FBN3: variants seen among roughly 807,000 people sequenced by gnomAD.
FBN3 encodes fibrillin-3.
A neutral mutation model predicts 330.1 loss-of-function variants in FBN3; 234 were observed. The ratio of observed to expected loss-of-function variants is 0.71; its 90% CI spans 0.64 to 0.79. The LOEUF (loss-of-function observed/expected upper bound fraction) is 0.79. FBN3 is among the 30% of genes least tolerant of loss of function. The pLI is 0.00. For missense variants in FBN3, 3,606 were observed against 3,886.9 expected, an observed-to-expected ratio of 0.93 and a Z score of 1.92; for synonymous variants, 1,458 against 1,517.3, an observed-to-expected ratio of 0.96 and a Z score of 0.91.
rs746743543 is a variant in FBN3 at position 8,102,839 on chromosome 19, G to T, written c.4974C>A (p.Asn1658Lys). ...AGGCCAGCTCATTTTGACATGTGCC[G>T]TTATAGTGCCGGAAGCAGACACTCT... ...MRKSVCFRHYNGTCQNELAFN... is the reference protein window; with the variant it reads ...MRKSVCFRHYKGTCQNELAFN... The change falls in exon 40 of 64, where the codon AAC becomes AAA. Residue 1658 changes from asparagine (N) to lysine (K), a missense_variant. Transcript: ENST00000600128. 4 of 1,613,984 alleles carry T rather than the reference G, an allele frequency of 2.5e-6. No homozygotes were observed. The African/African-American group carries it at 5.3e-5, about 22-fold the overall frequency.
rs760898634 is a variant in FBN3, at chr19:8,126,469, G to A, written c.2553C>T (p.Ile851=). The A allele has an allele frequency of 4.9e-5, 79 of 1,611,272 alleles. No individual in the cohort carries two copies. The highest frequency in any genetic ancestry group is 4.5e-5 in the East Asian group (2 of 44,640). The part of the protein sequence containing the change: ...AWGSPCERCE[I]DPACARGFAR... The stretch of plus-strand genomic sequence containing the variant: ...GGGAGGCCTCAAGGAGGATACTACC[G>A]ATCTCGCAGCGTTCGCAGGGGCTCC... Residue 851 remains isoleucine (I), a splice_region_variant and synonymous_variant, in exon 20 of 64, where the codon ATC becomes ATT. Transcript: ENST00000600128.
chr19:8,114,931 C>T (rs1352141089), intron 30 of FBN3, among the ~76,000 whole-genome samples: 1 of 152,022 alleles, frequency 6.6e-6, no homozygotes, highest in East Asian at 1.9e-4. Context: ...TGCAGTGGTG[C>T]TATCTTGGCT....
chr19:8,081,813 C>T (rs1426739583), intron 57 of FBN3, among the ~76,000 whole-genome samples: 1 of 151,910 alleles, frequency 6.6e-6, no homozygotes, highest in Non-Finnish European at 1.5e-5. Context: ...TTTCTTCCCG[C>T]TGACTTAGAT....
At chr19:8,089,507 G>A in intron 51 of FBN3, 38 bp downstream of exon 51, 1 of 1,612,242 alleles carries the variant, frequency 6.2e-7, no homozygotes, top group Non-Finnish European at 8.5e-7. Context: ...GTCCTGGGAG[G>A]GGCCTGGGAC....
At chr19:8,084,198 C>G (rs1013314446) in intron 56 of FBN3, among the ~76,000 whole-genome samples, 1 of 152,234 alleles carries the variant, frequency 6.6e-6, no homozygotes, top group Non-Finnish European at 1.5e-5. Context: ...TGCTCGCTCA[C>G]ACGCAGACAC....
chr19:8,109,926 G>T lies in FBN3; in HGVS notation c.4334-173C>A, dbSNP rs1420223335. ...AAACCTAAGGGGACAGGAGCCTCCA[G>T]TCTGTCCTGTCCCCTCCAACCCCAT... On this transcript the variant is annotated intron_variant, in intron 34 of 63. Transcript: ENST00000600128. This position sits in a 1 kb window ranked among gnomAD's most constrained non-coding sequence, Gnocchi z 5.2. Among the ~76,000 whole-genome samples, 1 of 152,184 alleles carries T rather than the reference G, an allele frequency of 6.6e-6. No homozygotes were observed. Among genetic ancestry groups the T allele is most frequent in the African/African-American group, 2.4e-5 (1 of 41,446 alleles).
At chr19:8,093,104 G>T (rs2082132983) in intron 47 of FBN3, among the ~76,000 whole-genome samples, 2 of 152,010 alleles carry the variant, frequency 1.3e-5, no homozygotes, top group South Asian at 4.2e-4. Context: ...CTTAAAAAAA[G>T]AAAATTGCAC....
intron 32 of FBN3, 118 bp from the exon 33 acceptor site, chr19:8,111,301 C>T: frequency 7.8e-7 from 1 of 1,281,738 alleles, no homozygotes; most frequent in Non-Finnish European, 1.1e-6. Context: ...AGGCAAGTAG[C>T]CCTGGGGACT....
At chr19:8,140,055 T>G (rs764359652) in intron 8 of FBN3, among the ~76,000 whole-genome samples, 1 of 151,764 alleles carries the variant, frequency 6.6e-6, no homozygotes, top group Non-Finnish European at 1.5e-5. Context: ...ATCAACAGAC[T>G]CCTCCAAAGT....
intron 56 of FBN3, 108 bp from the exon 57 acceptor site, chr19:8,083,480 C>G (rs1482566393): frequency 7.2e-7 from 1 of 1,386,902 alleles, no homozygotes; most frequent in African/African-American, 1.4e-5. Context: ...GAAAGTCCAG[C>G]CTCCCTTCCA....
intron 6 of FBN3, among the ~76,000 whole-genome samples, chr19:8,144,308 G>A (rs2004238): frequency 0.31 from 46,856 of 151,560 alleles, 7,940 homozygotes; most frequent in South Asian, 0.48. Context: ...GAAGCGGGAG[G>A]ATTGGTTGAA....
chr19:8,096,807 G>C lies in FBN3; in HGVS notation c.5413+74C>G. 6.5e-7 allele frequency: 1 copy of C among 1,540,810 alleles called. No homozygotes were observed. The highest frequency in any genetic ancestry group is 1.7e-5 in the Admixed American group (1 of 57,780). Reference sequence around the variant, plus strand: ...ATAGAAAAGGAGAAAGACCTGGACAGAGCCATACCCCATCTAAGTCCCCAT... The same window carrying C: ...ATAGAAAAGGAGAAAGACCTGGACACAGCCATACCCCATCTAAGTCCCCAT... On this transcript the variant is annotated intron_variant, in intron 43 of 63. Coordinates refer to ENST00000600128, the MANE Select transcript of FBN3 (RefSeq NM_032447.5). This position sits in a 1 kb window ranked among gnomAD's most constrained non-coding sequence, Gnocchi z 4.6.
At chr19:8,098,464 G>A (rs2082258753) in intron 41 of FBN3, among the ~76,000 whole-genome samples, 1 of 150,738 alleles carries the variant, frequency 6.6e-6, no homozygotes, top group East Asian at 2.0e-4. Context: ...GTGGGGGACT[G>A]GAAACAAACT....
At chr19:8,143,879 A>G (rs888583516) in intron 6 of FBN3, among the ~76,000 whole-genome samples, 2 of 148,480 alleles carry the variant, frequency 1.3e-5, no homozygotes, top group African/African-American at 5.0e-5. Context: ...ATGCAGTGGC[A>G]CCACCACGGC....
chr19:8,110,848 T>C lies in FBN3; in HGVS notation c.4330A>G (p.Thr1444Ala). 6.2e-7 allele frequency: 1 copy of C among 1,614,208 alleles called. No individual in the cohort carries two copies. The highest frequency in any genetic ancestry group is 8.5e-7 in the Non-Finnish European group (1 of 1,180,036). Residue 1444 changes from threonine to alanine, a missense_variant, in exon 34 of 64, where the codon ACA becomes GCA. By Grantham distance (58) the Thr-to-Ala change is moderately conservative. Coordinates refer to ENST00000600128, the MANE Select transcript of FBN3 (RefSeq NM_032447.5). ...YELDRGGGNC[T>A]DINECADPVN... ...TCCAGCCCAGATGACCTCACACCTG[T>C]GCAGTTGCCACCCCCTCGGTCCAGT... is the stretch of plus-strand genomic sequence containing the variant.
intron 37 of FBN3, among the ~76,000 whole-genome samples, chr19:8,107,952 C>T (rs1337130675): frequency 6.6e-6 from 1 of 151,892 alleles, no homozygotes; most frequent in African/African-American, 2.4e-5. Context: ...ATGAAAAGAT[C>T]AATAAACCAA....
At position 8,065,789 on chromosome 19, in the gene FBN3, T is replaced by C; in HGVS notation, c.*130A>G. ...CAGAGGCCGGGCTTGCCTGAGGTTG[T>C]CGTGTAGCATTTCACTCTTCCTGAG... On this transcript the variant is annotated 3_prime_UTR_variant, in exon 64 of 64. Transcript: ENST00000600128. The C allele has an allele frequency of 1.2e-6, 1 of 828,114 alleles. No homozygotes were observed. The highest frequency in any genetic ancestry group is 2.8e-5 in the East Asian group (1 of 35,928). 51.3% of individuals were successfully genotyped at this position (828,114 alleles called of 1,614,324 possible).
Position 8,106,105 on chromosome 19 carries a change from C to T in FBN3, c.4813+3G>A, listed in dbSNP as rs745440545. The stretch of plus-strand genomic sequence containing the variant: ...ACCCACCCCAAAGAGAATCCATGCT[C>T]ACCCTCACAGATGCGGGTGTGCTCA... On this transcript the variant is annotated splice_donor_region_variant and intron_variant, in intron 38 of 63. Coordinates refer to ENST00000600128, the MANE Select transcript of FBN3 (RefSeq NM_032447.5). 16 of 1,613,940 alleles carry T rather than the reference C, an allele frequency of 9.9e-6. No homozygotes were observed. The Admixed American group carries it at 1.5e-4, about 15-fold the overall frequency.
intron 47 of FBN3, among the ~76,000 whole-genome samples, chr19:8,091,845 A>G (rs1221487060): frequency 2.0e-5 from 3 of 152,228 alleles, no homozygotes; most frequent in Non-Finnish European, 4.4e-5. Context: ...GAAACTGCAC[A>G]TAGTACAACC....
Sources: gnomAD v4.1 joint callset for allele counts (sites outside exome capture counted in the v4.1 genomes callset) on GRCh38, gnomAD v4.1.1 for gene constraint, Gnocchi (gnomAD v3.1) non-coding constraint, MANE v1.5 for transcripts, NCBI Gene and HGNC (gene_info 2026-07-23, HGNC 2026-07-21) for gene names.